TENM2: variants seen among roughly 807,000 people sequenced by gnomAD.
TENM2 encodes the protein teneurin-2.
TENM2 carries 52 observed loss-of-function variants against 245.2 expected under a neutral mutation model. The ratio of observed to expected loss-of-function variants is 0.21; its 90% CI spans 0.17 to 0.27. The LOEUF (loss-of-function observed/expected upper bound fraction) is 0.27, where lower values mean the gene tolerates loss of function less well. Ranked by LOEUF, TENM2 falls within the 10% of genes least tolerant of loss-of-function variation. The pLI, the probability that TENM2 is intolerant of heterozygous loss-of-function variation, is 1.00. For missense variants in TENM2, 3,046 were observed against 3,666.8 expected, an observed-to-expected ratio of 0.83 and a Z score of 4.37; for synonymous variants, 1,363 against 1,438.9, an observed-to-expected ratio of 0.95 and a Z score of 1.19.
At chr5:167,531,240 T>C (rs564312716) in intron 2 of TENM2, among the ~76,000 whole-genome samples, 1 of 152,316 alleles carries the variant, frequency 6.6e-6, no homozygotes, top group East Asian at 1.9e-4. Flanking sequence ...GGTTCTGAAA[T>C]ACTAGGCCAA....
chr5:167,046,697 A>G, the TENM2 span, among the ~76,000 whole-genome samples: 1 of 150,832 alleles, frequency 6.6e-6, no homozygotes, highest in Admixed American at 6.6e-5. Flanking sequence ...TTTAAAATTT[A>G]TTTATTATAC....
intron 12 of TENM2, among the ~76,000 whole-genome samples, chr5:168,161,610 C>A (rs892268968): frequency 1.3e-5 from 2 of 152,160 alleles, no homozygotes; most frequent in African/African-American, 2.4e-5. Flanking sequence ...CTGCTTCTCT[C>A]CTACCTGTTA....
At chr5:167,474,940 G>GT (rs752235880) in intron 2 of TENM2, among the ~76,000 whole-genome samples, 19 of 152,174 alleles carry the variant, frequency 1.2e-4, no homozygotes, top group Non-Finnish European at 2.5e-4. Context: ...ACTGATTTCG[G>GT]TTTAATCAGT....
intron 9 of TENM2, 84 bp downstream of exon 11, chr5:168,098,211 G>A: frequency 2.2e-6 from 2 of 929,922 alleles, no homozygotes; most frequent in South Asian, 2.8e-5. Flanking sequence ...GGACATCCAA[G>A]TAGCCTTCCC....
intron 5 of TENM2, among the ~76,000 whole-genome samples, chr5:168,020,780 C>T (rs944073273): frequency 2.0e-5 from 3 of 152,248 alleles, no homozygotes; most frequent in African/African-American, 4.8e-5. Context: ...ACAGCTTTGA[C>T]GGAATATTTC....
At chr5:167,217,805 G>A in the TENM2 span, among the ~76,000 whole-genome samples, 721 of 151,022 alleles carry the variant, frequency 4.8e-3, 3 homozygotes, top group Non-Finnish European at 9.5e-3. Flanking sequence ...AGGTGGACGA[G>A]CAGGTTTCCT....
chr5:167,328,071 G>A (rs1450130111), intron 1 of TENM2, among the ~76,000 whole-genome samples: 1 of 151,900 alleles, frequency 6.6e-6, no homozygotes, highest in East Asian at 1.9e-4. Flanking sequence ...TGTCTTCCAG[G>A]TATTTAAGCT....
chr5:167,598,212 G>A (rs1776357310), intron 2 of TENM2, among the ~76,000 whole-genome samples: 1 of 152,158 alleles, frequency 6.6e-6, no homozygotes, highest in Non-Finnish European at 1.5e-5. Flanking sequence ...GAAGGCATAT[G>A]GTTACAACAT....
At chr5:167,615,636 G>A (rs1231611951) in intron 2 of TENM2, among the ~76,000 whole-genome samples, 1 of 152,052 alleles carries the variant, frequency 6.6e-6, no homozygotes, top group Non-Finnish European at 1.5e-5. Context: ...ATGGCAGACA[G>A]ATTTTTTTTG....
the TENM2 span, among the ~76,000 whole-genome samples, chr5:167,268,693 G>C: frequency 1.3e-5 from 2 of 152,096 alleles, no homozygotes; most frequent in East Asian, 1.9e-4. Context: ...TGAAACACAG[G>C]CATGCCCATT....
the TENM2 span, among the ~76,000 whole-genome samples, chr5:167,192,127 C>T: frequency 1.3e-5 from 2 of 152,074 alleles, no homozygotes; most frequent in African/African-American, 4.8e-5. Context: ...TGCTCCACCT[C>T]CTTCCTCTCA....
At chr5:167,023,488 A>C in the TENM2 span, among the ~76,000 whole-genome samples, 1 of 152,206 alleles carries the variant, frequency 6.6e-6, no homozygotes, top group East Asian at 1.9e-4. Flanking sequence ...CAGATGTGAT[A>C]TTAATACTAC....
At chr5:167,285,978 A>G (rs1469365656) in intron 1 of TENM2, among the ~76,000 whole-genome samples, 1 of 152,240 alleles carries the variant, frequency 6.6e-6, no homozygotes, top group African/African-American at 2.4e-5. Context: ...TTTCTAATGA[A>G]ATAACTTAGC....
Position 167,598,522 on chromosome 5 carries a change from T to C in TENM2, c.502+223049T>C, listed in dbSNP as rs576861897. On this transcript the variant is annotated intron_variant, in intron 2 of 28. Transcript: ENST00000518659. ...TTTTGCCAGCTTGGGTAAATATGGA[T>C]AGCAAGTGATGTCTAGAGAAGAAGG... Among the ~76,000 whole-genome samples, 62 of 152,358 alleles carry C rather than the reference T, an allele frequency of 4.1e-4. 4 individuals carry two copies. In the South Asian group the frequency reaches 0.013, roughly 32 times the overall value.
chr5:167,708,236 G>A (rs2150472391), intron 2 of TENM2, among the ~76,000 whole-genome samples: 1 of 121,856 alleles, frequency 8.2e-6, no homozygotes, highest in East Asian at 5.2e-4. Flanking sequence ...AAGTGATGGA[G>A]AGAGAGAGAG....
chr5:167,947,126 G>A (rs1028454502), intron 3 of TENM2, among the ~76,000 whole-genome samples: 3 of 152,064 alleles, frequency 2.0e-5, no homozygotes, highest in Non-Finnish European at 4.4e-5. Flanking sequence ...AAATGCAGCC[G>A]CATGTTCATT....
the TENM2 span, among the ~76,000 whole-genome samples, chr5:167,244,487 C>T: frequency 3.2e-4 from 48 of 152,252 alleles, 1 homozygote; most frequent in East Asian, 7.2e-3. Context: ...TAAATGGCTG[C>T]GTTTTCCGAT....
intron 13 of TENM2, among the ~76,000 whole-genome samples, chr5:168,180,151 A>G (rs1334863788): frequency 6.6e-6 from 1 of 152,182 alleles, no homozygotes; most frequent in Non-Finnish European, 1.5e-5. Flanking sequence ...AGATGGAGGT[A>G]TGGCTGGTCC....
Position 168,062,051 on chromosome 5 carries a change from T to TTC in TENM2, c.1310-8_1310-7insCT. The TTC allele has an allele frequency of 6.2e-7, 1 of 1,603,722 alleles. No homozygotes were observed. The highest frequency in any genetic ancestry group is 1.1e-5 in the South Asian group (1 of 89,394). ...ATTGACTGCTGTTTATTCCTTTTTT[T>TTC]TTTTTCAGTGCCCTGGTCGTTGAAA... is the stretch of plus-strand genomic sequence containing the variant. On this transcript the variant is annotated splice_polypyrimidine_tract_variant and intron_variant, in intron 6 of 28. Transcript: ENST00000518659.
Sources: gnomAD v4.1 joint callset for allele counts (sites outside exome capture counted in the v4.1 genomes callset) on GRCh38, gnomAD v4.1.1 for gene constraint, MANE v1.5 for transcripts, NCBI Gene and HGNC (gene_info 2026-07-23, HGNC 2026-07-21) for gene names.